The following SFMBT2 variants were observed in gnomAD, a reference collection of about 807,000 sequenced individuals.
The protein encoded by SFMBT2 is Scm like with four mbt domains 2.
A neutral mutation model predicts 110.1 loss-of-function variants in SFMBT2; 38 were observed. The ratio of observed to expected loss-of-function variants is 0.35; its 90% confidence interval spans 0.27 to 0.45. The LOEUF is 0.45. Among genes scored for constraint, SFMBT2 ranks in the 20% least tolerant of loss-of-function variants. SFMBT2 has a pLI of 1.00. For synonymous variants in SFMBT2, 425 were observed against 425.4 expected, an observed-to-expected ratio of 1.00 and a Z score of 0.01; for missense variants, 1,011 against 1,094.9, an observed-to-expected ratio of 0.92 and a Z score of 1.08.
At chr10:7,284,561 G>A in intron 5 of SFMBT2, 1 of 362,046 alleles carries the variant, frequency 2.8e-6, no homozygotes, top group Non-Finnish European at 3.9e-6. Flanking sequence ...CTAATACAGA[G>A]CATTCAATTT....
chr10:7,178,399 T>A (rs1286973678), intron 16 of SFMBT2, among the ~76,000 whole-genome samples: 1 of 152,234 alleles, frequency 6.6e-6, no homozygotes, highest in African/African-American at 2.4e-5. Context: ...CTTTTATAGT[T>A]ATCCACAAGG....
chr10:7,343,605 C>G (rs775552191), intron 4 of SFMBT2, among the ~76,000 whole-genome samples: 1 of 151,968 alleles, frequency 6.6e-6, no homozygotes, highest in Non-Finnish European at 1.5e-5. Flanking sequence ...GATGGTGTCT[C>G]GTTGTGGTTT....
chr10:7,280,207 A>C (rs529556277), intron 6 of SFMBT2, among the ~76,000 whole-genome samples: 4 of 152,168 alleles, frequency 2.6e-5, no homozygotes, highest in Non-Finnish European at 5.9e-5. Context: ...CAGCCTCCAG[A>C]TCTCTGAGAA....
chr10:7,311,253 A>G (rs529962834), intron 4 of SFMBT2, among the ~76,000 whole-genome samples: 1 of 152,106 alleles, frequency 6.6e-6, no homozygotes, highest in Non-Finnish European at 1.5e-5. Context: ...TACTAAGAAC[A>G]TAATTGCCCT....
Position 7,332,910 on chromosome 10 carries a change from A to T in SFMBT2, c.436+34739T>A, listed in dbSNP as rs186962836. On this transcript the variant is annotated intron_variant, in intron 4 of 20. Transcript: ENST00000397167. ...GAGACGGACTCTTGCTCTGTTGCCT[A>T]GGCGGGAGTGCAGTGGCATGATCTC... is the stretch of plus-strand genomic sequence containing the variant. 7.6e-4 allele frequency among the ~76,000 whole-genome samples: 116 copies of T among 152,336 alleles called. No homozygotes were observed. The East Asian group carries it at 9.6e-3, about 13-fold the overall frequency.
At position 7,408,083 on chromosome 10, in the gene SFMBT2, G is replaced by A. The variant is rs1303362980; in HGVS notation, c.-52+2778C>T. On this transcript the variant is annotated intron_variant, in intron 1 of 20. Coordinates refer to ENST00000397167, the MANE Select transcript of SFMBT2 (RefSeq NM_001387889.1). This position sits in a 1 kb window ranked among gnomAD's most constrained non-coding sequence, Gnocchi z 5.7. ...GGCACGGCCTCGTGCAAAATCGCGG[G>A]TTTCGGGGCCTTGGAGCAAATTGCG... is the stretch of plus-strand genomic sequence containing the variant. Among the ~76,000 whole-genome samples the A allele has an allele frequency of 2.6e-5, 4 of 152,240 alleles. No individual in the cohort carries two copies. The highest frequency in any genetic ancestry group is 9.6e-5 in the African/African-American group (4 of 41,472).
In SFMBT2 at chr10:7,220,388, TG is replaced by T; in HGVS notation, c.1330+22del. On this transcript the variant is annotated intron_variant, in intron 11 of 20. Coordinates refer to ENST00000397167, the MANE Select transcript of SFMBT2 (RefSeq NM_001387889.1). ...CAAACTCTACATTCCCCCCAGCGAC[TG>T]CTACCCCCAGCGAGTACGTACCTTC... 3.7e-6 allele frequency: 6 copies of T among 1,610,162 alleles called. No individual in the cohort carries two copies. The Middle Eastern group carries it at 1.0e-3, about 270-fold the overall frequency.
chr10:7,226,622 C>T (rs1839903835), intron 10 of SFMBT2, among the ~76,000 whole-genome samples: 1 of 152,198 alleles, frequency 6.6e-6, no homozygotes, highest in Non-Finnish European at 1.5e-5. Flanking sequence ...GCATGTTGAA[C>T]ACAGTAGACT....
intron 7 of SFMBT2, among the ~76,000 whole-genome samples, chr10:7,250,245 C>T (rs1840760033): frequency 6.6e-6 from 1 of 152,170 alleles, no homozygotes. Context: ...CATTTCCCCC[C>T]TCCCCTCTAG....
chr10:7,326,273 T>C (rs1289742326), intron 4 of SFMBT2, among the ~76,000 whole-genome samples: 1 of 152,256 alleles, frequency 6.6e-6, no homozygotes, highest in Non-Finnish European at 1.5e-5. Flanking sequence ...CTCCATTCAC[T>C]GCACACATAA....
At chr10:7,204,860 C>T (rs948761174) in intron 12 of SFMBT2, 56 of 861,020 alleles carry the variant, frequency 6.5e-5, no homozygotes, top group South Asian at 4.2e-4. Flanking sequence ...GCAACAAGAG[C>T]GAAACTCCAT....
At chr10:7,176,239 C>T in intron 16 of SFMBT2, 74 bp from the exon 17 acceptor site, 2 of 1,437,984 alleles carry the variant, frequency 1.4e-6, no homozygotes, top group East Asian at 4.6e-5. Flanking sequence ...ACCACACATT[C>T]CGAAGGCAGC....
At chr10:7,230,485 AAACGG>A (rs1840085035) in intron 9 of SFMBT2, among the ~76,000 whole-genome samples, 1 of 152,204 alleles carries the variant, frequency 6.6e-6, no homozygotes, top group African/African-American at 2.4e-5. Flanking sequence ...AAGACACGTC[AAACGG>A]AGAAGTTTCT....
rs560220985 is a variant in SFMBT2 at position 7,329,672 on chromosome 10, G to A, written c.436+37977C>T. The A allele has an allele frequency of 5.0e-5, 11 of 218,640 alleles. No homozygotes were observed. In the South Asian group the frequency reaches 1.5e-3, roughly 29 times the overall value. The allele number at this position is 218,640 out of a possible 1,614,324, so 13.5% of individuals were successfully genotyped here. A position where few individuals can be genotyped will look rare whatever the true frequency, so the allele number is the denominator to read the frequency against. On this transcript the variant is annotated intron_variant, in intron 4 of 20. Coordinates refer to ENST00000397167, the MANE Select transcript of SFMBT2 (RefSeq NM_001387889.1). ...CTGCTCCACAATAACCGGGGCCTTG[G>A]CTGGGAAGGCCGGGACTGCTGGCCA...
chr10:7,224,871 T>G (rs1250831638), intron 10 of SFMBT2, among the ~76,000 whole-genome samples: 1 of 152,252 alleles, frequency 6.6e-6, no homozygotes, highest in Non-Finnish European at 1.5e-5. Flanking sequence ...TTTTCTGACT[T>G]GTGGAAAGAA....
At chr10:7,185,857 G>A (rs1838386283) in intron 16 of SFMBT2, among the ~76,000 whole-genome samples, 1 of 151,718 alleles carries the variant, frequency 6.6e-6, no homozygotes. Context: ...CTAAGATATA[G>A]CCTAATTCCT....
intron 4 of SFMBT2, among the ~76,000 whole-genome samples, chr10:7,318,993 C>T (rs1843095254): frequency 6.6e-6 from 1 of 152,130 alleles, no homozygotes; most frequent in African/African-American, 2.4e-5. Flanking sequence ...GCATCTCTGA[C>T]AAAAGGGAAG....
chr10:7,396,464 T>C (rs1470780862), intron 1 of SFMBT2, among the ~76,000 whole-genome samples: 8 of 152,310 alleles, frequency 5.3e-5, no homozygotes, highest in Non-Finnish European at 1.5e-5. Context: ...GAATCCGGCA[T>C]CCCAAACAGA....
intron 4 of SFMBT2, among the ~76,000 whole-genome samples, chr10:7,323,765 T>C (rs1459084107): frequency 1.3e-5 from 2 of 152,188 alleles, no homozygotes; most frequent in South Asian, 2.1e-4. Flanking sequence ...CTTGGAACAA[T>C]GTATAGTACA....
Sources: gnomAD v4.1 joint callset for allele counts (sites outside exome capture counted in the v4.1 genomes callset) on GRCh38, gnomAD v4.1.1 for gene constraint, Gnocchi (gnomAD v3.1) non-coding constraint, MANE v1.5 for transcripts, NCBI Gene and HGNC (gene_info 2026-07-23, HGNC 2026-07-21) for gene names.